AP3S2: variants seen among roughly 807,000 people sequenced by gnomAD.
AP3S2 encodes AP-3 complex subunit sigma-2.
Under a neutral mutation model 23.4 loss-of-function variants are expected in AP3S2, and 22 were observed. That is an observed-to-expected ratio of 0.94 (90% CI 0.67 to 1.34). AP3S2 has a LOEUF of 1.34. Among genes scored for constraint, AP3S2 ranks in the 40% most tolerant of loss-of-function variants. The pLI is 0.00. For synonymous variants in AP3S2, 86 were observed against 87.1 expected (o/e 0.99, Z 0.07); for missense variants, 241 against 236.9 (o/e 1.02, Z -0.11).
chr15:89,844,402 A>AT (rs1895435569), intron 4 of AP3S2, among the ~76,000 whole-genome samples: 1 of 150,592 alleles, frequency 6.6e-6, no homozygotes, highest in South Asian at 2.1e-4. Flanking sequence ...CAGTGCCATG[A>AT]TAATAGCTCA....
At chr15:89,844,792 G>C (rs1351680206) in intron 4 of AP3S2, among the ~76,000 whole-genome samples, 1 of 152,156 alleles carries the variant, frequency 6.6e-6, no homozygotes. Context: ...AGATTTTTAA[G>C]ATCCTTCCAC....
chr15:89,838,039 C>T (rs1895238484), intron 4 of AP3S2: 1 of 296,192 alleles, frequency 3.4e-6, no homozygotes, highest in Non-Finnish European at 6.5e-6. Context: ...CTTTAAAGTG[C>T]TTCAGCCTCC....
chr15:89,851,343 CTT>C (rs111461374), intron 4 of AP3S2, among the ~76,000 whole-genome samples: 7 of 145,550 alleles, frequency 4.8e-5, no homozygotes, highest in Non-Finnish European at 7.6e-5. Flanking sequence ...AATTCATCTT[CTT>C]TTTTTTTTTT....
Position 89,835,386 on chromosome 15 carries a change from C to A in AP3S2, c.*129G>T. On this transcript the variant is annotated 3_prime_UTR_variant, in exon 6 of 6. Coordinates refer to ENST00000336418, the MANE Select transcript of AP3S2 (RefSeq NM_005829.5). The stretch of plus-strand genomic sequence containing the variant: ...CTATTCCATGCCAAACAGTCTTCCC[C>A]AGACACAAAGTTTCCAGGTCCTGAG... 6.7e-7 allele frequency: 1 copy of A among 1,485,024 alleles called. No homozygotes were observed. Among genetic ancestry groups the A allele is most frequent in the Non-Finnish European group, 9.1e-7 (1 of 1,104,560 alleles). The allele number at this position is 1,485,024 out of a possible 1,614,324, so 92.0% of individuals were successfully genotyped here.
intron 4 of AP3S2, among the ~76,000 whole-genome samples, chr15:89,841,246 A>G (rs1255893698): frequency 6.6e-6 from 1 of 152,204 alleles, no homozygotes; most frequent in Non-Finnish European, 1.5e-5. Flanking sequence ...GCTGTTCAAA[A>G]TATGTTCCAA....
intron 1 of AP3S2, chr15:89,893,587 C>T (rs1300478732): frequency 2.3e-6 from 1 of 436,438 alleles, no homozygotes; most frequent in Non-Finnish European, 4.1e-6. Flanking sequence ...TCGAGGCACA[C>T]TCCCCACTGT....
intron 4 of AP3S2, among the ~76,000 whole-genome samples, chr15:89,861,238 G>C (rs1896003233): frequency 6.6e-6 from 1 of 152,040 alleles, no homozygotes; most frequent in Admixed American, 6.6e-5. Flanking sequence ...AGGTTTTCTT[G>C]GGTTCAGCAC....
chr15:89,868,195 C>T (rs1896199863), intron 4 of AP3S2, among the ~76,000 whole-genome samples: 1 of 58,770 alleles, frequency 1.7e-5, no homozygotes, highest in South Asian at 6.1e-4. Flanking sequence ...TGGCCAGCTG[C>T]CCCGTCCGGG....
At chr15:89,844,722 A>G (rs1016108759) in intron 4 of AP3S2, among the ~76,000 whole-genome samples, 1 of 151,988 alleles carries the variant, frequency 6.6e-6, no homozygotes, top group African/African-American at 2.4e-5. Flanking sequence ...CATCATCTAC[A>G]ATTTCCAGTT....
At chr15:89,856,701 C>CAAAA (rs34735772) in intron 4 of AP3S2, among the ~76,000 whole-genome samples, 3 of 75,112 alleles carry the variant, frequency 4.0e-5, no homozygotes, top group Non-Finnish European at 7.6e-5. Flanking sequence ...GACTCCATCT[C>CAAAA]AAAAAAAAAA....
chr15:89,883,461 A>T (rs1896620382), intron 3 of AP3S2, among the ~76,000 whole-genome samples: 1 of 151,986 alleles, frequency 6.6e-6, no homozygotes, highest in South Asian at 2.1e-4. Flanking sequence ...AGTGGCATGA[A>T]TATGGCTCAC....
intron 4 of AP3S2, among the ~76,000 whole-genome samples, chr15:89,854,488 G>T (rs1895760092): frequency 1.6e-5 from 1 of 63,864 alleles, no homozygotes; most frequent in African/African-American, 6.1e-5. Context: ...GAGCCCCTCT[G>T]CCCGGCCAGC....
intron 4 of AP3S2, among the ~76,000 whole-genome samples, chr15:89,858,455 AAAAGAAAGAAAG>A (rs769434767): frequency 9.1e-5 from 12 of 131,176 alleles, no homozygotes; most frequent in South Asian, 5.5e-4. Flanking sequence ...AAAAGAAAGA[AAAAGAAAGAAAG>A]AAAGAAAGAA....
intron 3 of AP3S2, among the ~76,000 whole-genome samples, chr15:89,878,697 A>C (rs563022066): frequency 6.6e-6 from 1 of 152,194 alleles, no homozygotes; most frequent in Non-Finnish European, 1.5e-5. Flanking sequence ...AGTAGCTGAG[A>C]ATCACAGATG....
At chr15:89,885,926 C>T (rs948532699) in intron 3 of AP3S2, among the ~76,000 whole-genome samples, 7 of 110,690 alleles carry the variant, frequency 6.3e-5, no homozygotes, top group African/African-American at 2.8e-4. Flanking sequence ...GAGAGCAAGA[C>T]CTTGTCTCAA....
intron 4 of AP3S2, chr15:89,850,701 A>T (rs1895627746): frequency 6.9e-6 from 1 of 144,322 alleles, no homozygotes. Flanking sequence ...GGTTCAAGGC[A>T]TTCACTGATT....
intron 4 of AP3S2, among the ~76,000 whole-genome samples, chr15:89,843,872 C>T (rs1235065251): frequency 6.6e-6 from 1 of 152,086 alleles, no homozygotes; most frequent in Non-Finnish European, 1.5e-5. Context: ...GCACTGAAAA[C>T]TACTTAACTG....
chr15:89,838,772 G>T (rs968249825), intron 4 of AP3S2, among the ~76,000 whole-genome samples: 10 of 152,174 alleles, frequency 6.6e-5, no homozygotes, highest in African/African-American at 2.4e-4. Context: ...GACAGTGGGA[G>T]GATGGAAGCT....
At chr15:89,871,682 AC>A (rs1896322235) in intron 3 of AP3S2, 136 bp from the exon 4 acceptor site, 1 of 839,178 alleles carries the variant, frequency 1.2e-6, no homozygotes, top group African/African-American at 1.7e-5. Context: ...TAAAACACCT[AC>A]CTTTTGTCTC....
Sources: allele counts gnomAD v4.1 joint callset (sites outside exome capture counted in the v4.1 genomes callset), GRCh38; gene constraint gnomAD v4.1.1; transcripts MANE v1.5; gene names NCBI Gene and HGNC (gene_info 2026-07-23, HGNC 2026-07-21).